The following RHOXF1 variants were observed in gnomAD, a reference collection of about 807,000 sequenced individuals.
RHOXF1 encodes the protein PEPP subfamily gene 1.
Under a neutral mutation model 9.7 loss-of-function variants are expected in RHOXF1, and 1 was observed. That is an observed-to-expected ratio of 0.10 (90% CI 0.04 to 0.49). RHOXF1 has a LOEUF of 0.49. RHOXF1 is among the 20% of genes least tolerant of loss of function. RHOXF1 has a pLI of 0.95. For missense variants in RHOXF1, 179 were observed against 168.0 expected, an observed-to-expected ratio of 1.07 and a Z score of -0.36; for synonymous variants, 72 against 70.2, an observed-to-expected ratio of 1.03 and a Z score of -0.13.
chrX:120,109,341 G>T, intron 2 of RHOXF1, 39 bp from the exon 3 acceptor site: 1 of 839,832 alleles, frequency 1.2e-6, no homozygotes, highest in Non-Finnish European at 1.8e-6. Flanking sequence ...TTAGTATATT[G>T]AACAGTTAAT....
chrX:120,115,224 G>A (rs782100772), intron 1 of RHOXF1, among the ~76,000 whole-genome samples: 4 of 111,945 alleles, frequency 3.6e-5, no homozygotes, highest in Non-Finnish European at 7.5e-5. Context: ...ATATTTCCGT[G>A]TATTTTACCA....
At chrX:120,114,699 A>G (rs1420729164) in intron 1 of RHOXF1, among the ~76,000 whole-genome samples, 1 of 112,258 alleles carries the variant, frequency 8.9e-6, no homozygotes, top group Non-Finnish European at 1.9e-5. Flanking sequence ...GAAAGGATGC[A>G]CAACATCACT....
At chrX:120,115,373 C>G in intron 1 of RHOXF1, 92 bp downstream of exon 1, 1 of 825,321 alleles carries the variant, frequency 1.2e-6, no homozygotes, top group Non-Finnish European at 1.6e-6. Context: ...CCCCCAGTGG[C>G]TTTTTCCTCA....
At position 120,112,890 on chromosome X, in the gene RHOXF1, A is replaced by G; in HGVS notation, c.423T>C (p.Gly141=). The G allele has an allele frequency of 8.3e-7, 1 of 1,200,143 alleles. No homozygotes were observed. Among genetic ancestry groups the G allele is most frequent in the Non-Finnish European group, 1.1e-6 (1 of 885,652 alleles). The change falls in exon 2 of 3, where the codon GGT becomes GGC. Residue 141 remains glycine, a synonymous_variant. Transcript: ENST00000217999. Reference sequence around the variant, plus strand: ...TGACCCGCACTTTGTCTTCAGTCACACCTAAGTTTTCGGCAAGTTCCCTTC... The same window carrying G: ...TGACCCGCACTTTGTCTTCAGTCACGCCTAAGTTTTCGGCAAGTTCCCTTC... The part of the protein sequence containing the change: ...PTRRELAENL[G]VTEDKVRVWF...
At chrX:120,109,446 G>C (rs782459349) in intron 2 of RHOXF1, 144 bp from the exon 3 acceptor site, 95 of 392,554 alleles carry the variant, frequency 2.4e-4, no homozygotes, top group Non-Finnish European at 3.9e-4. Context: ...AAATACCTTA[G>C]GAAAGTTAAC....
upstream of RHOXF1, among the ~76,000 whole-genome samples, chrX:120,116,970 A>G (rs2057299438): frequency 8.9e-6 from 1 of 111,822 alleles, no homozygotes; most frequent in South Asian, 3.8e-4. Context: ...AAAAATCTCC[A>G]ATCTTGGGAT....
intron 2 of RHOXF1, among the ~76,000 whole-genome samples, 156 bp from the exon 3 acceptor site, chrX:120,109,458 A>T (rs1009985784): frequency 2.7e-5 from 3 of 111,855 alleles, no homozygotes; most frequent in Non-Finnish European, 5.6e-5. Context: ...AAAGTTAACA[A>T]CATAGCCCGT....
upstream of RHOXF1, among the ~76,000 whole-genome samples, chrX:120,118,594 G>A (rs143966683): frequency 2.2e-3 from 241 of 111,719 alleles, 1 homozygote; most frequent in African/African-American, 7.3e-3. Flanking sequence ...TGTTGACTCC[G>A]CCTCAGAAAC....
upstream of RHOXF1, among the ~76,000 whole-genome samples, chrX:120,116,704 G>A (rs1233268617): frequency 9.0e-6 from 1 of 110,819 alleles, no homozygotes; most frequent in African/African-American, 3.3e-5. Flanking sequence ...TGCTGGGATC[G>A]GGATCTTGGA....
intron 2 of RHOXF1, among the ~76,000 whole-genome samples, chrX:120,112,082 T>A (rs1555999830): frequency 9.0e-6 from 1 of 111,646 alleles, no homozygotes; most frequent in Admixed American, 9.6e-5. Context: ...CTTGGACATA[T>A]AAGCTATCTT....
chrX:120,117,618 C>A, upstream of RHOXF1: 1 of 111,147 alleles, frequency 9.0e-6, no homozygotes, highest in East Asian at 2.8e-4. Flanking sequence ...ATGGAAAGGC[C>A]CTTGCACTTG....
At chrX:120,112,442 AT>A (rs2057270541) in intron 2 of RHOXF1, among the ~76,000 whole-genome samples, 2 of 21,987 alleles carry the variant, frequency 9.1e-5, no homozygotes, top group East Asian at 4.2e-3. Context: ...CATATATTAT[AT>A]ATAATACACA....
At position 120,115,707 on chromosome X, in the gene RHOXF1, G is replaced by A. The variant is rs782009597; in HGVS notation, c.156C>T (p.Gly52=). ...PGLMGNMNPE[G]GVNHENGMNR... ...TCATGCCGTTCTCGTGGTTCACACCGCCCTCAGGGTTCATATTACCCATGA... is the reference window on the plus strand; with the variant it reads ...TCATGCCGTTCTCGTGGTTCACACCACCCTCAGGGTTCATATTACCCATGA... Residue 52 remains glycine, a synonymous_variant, in exon 1 of 3, where the codon GGC becomes GGT. Coordinates refer to ENST00000217999, the MANE Select transcript of RHOXF1 (RefSeq NM_139282.3). 7 of 1,208,665 alleles carry A rather than the reference G, an allele frequency of 5.8e-6. No individual in the cohort carries two copies. Among genetic ancestry groups the A allele is most frequent in the South Asian group, 5.3e-5 (3 of 56,774 alleles).
chrX:120,114,600 A>G (rs1788867773), intron 1 of RHOXF1, among the ~76,000 whole-genome samples: 1 of 111,915 alleles, frequency 8.9e-6, no homozygotes, highest in Non-Finnish European at 1.9e-5. Context: ...AGAAAGAAAG[A>G]AAGAAAAAGC....
At chrX:120,116,686 C>T (rs2057298331), upstream of RHOXF1, among the ~76,000 whole-genome samples, 1 of 110,994 alleles carries the variant, frequency 9.0e-6, no homozygotes, top group Non-Finnish European at 1.9e-5. Flanking sequence ...CTGCCATGCT[C>T]TCTTCAGTGC....
chrX:120,112,476 TATATGTGTTATATATAATAC>T (rs2057272303), intron 2 of RHOXF1, among the ~76,000 whole-genome samples: 114 of 42,882 alleles, frequency 2.7e-3, no homozygotes, highest in African/African-American at 6.8e-3. Context: ...ATAATACACA[TATATGTGTTATATATAATAC>T]ACATATATGT....
At chrX:120,115,387 T>C (rs1464251660) in intron 1 of RHOXF1, 78 bp downstream of exon 1, 2 of 891,343 alleles carry the variant, frequency 2.2e-6, no homozygotes, top group East Asian at 3.6e-5. Context: ...TTCCTCATGA[T>C]TGGGTGGGGC....
At chrX:120,112,115 A>C (rs2057267274) in intron 2 of RHOXF1, among the ~76,000 whole-genome samples, 1 of 111,322 alleles carries the variant, frequency 9.0e-6, no homozygotes, top group Admixed American at 9.6e-5. Context: ...AGCTTAACTA[A>C]GTATACATTA....
upstream of RHOXF1, chrX:120,115,982 C>T (rs1389444854): frequency 6.0e-6 from 3 of 496,594 alleles, no homozygotes; most frequent in African/African-American, 8.0e-5. Flanking sequence ...ATGAGTGGGA[C>T]TTGCTTATGC....
Sources: allele counts gnomAD v4.1 joint callset (sites outside exome capture counted in the v4.1 genomes callset), GRCh38; gene constraint gnomAD v4.1.1; transcripts MANE v1.5; gene names NCBI Gene and HGNC (gene_info 2026-07-23, HGNC 2026-07-21).